CRAMP1: variants seen among roughly 807,000 people sequenced by gnomAD.
CRAMP1 encodes the protein cramped chromatin regulator 1, also known as protein cramped-like.
A neutral mutation model predicts 115.4 loss-of-function variants in CRAMP1; 50 were observed. The observed-to-expected ratio is 0.43, with a 90% confidence interval of 0.35 to 0.55. The LOEUF (loss-of-function observed/expected upper bound fraction) is 0.55, where lower values mean the gene tolerates loss of function less well. Ranked by LOEUF, CRAMP1 falls within the 20% of genes least tolerant of loss-of-function variation. The pLI is 0.01. For missense variants in CRAMP1, 1,679 were observed against 1,721.7 expected, an observed-to-expected ratio of 0.98 and a Z score of 0.44; for synonymous variants, 866 against 745.4, an observed-to-expected ratio of 1.16 and a Z score of -2.64.
intron 20 of CRAMP1, among the ~76,000 whole-genome samples, chr16:1,673,381 T>C (rs574503565): frequency 1.4e-5 from 2 of 147,818 alleles, no homozygotes; most frequent in Admixed American, 6.6e-5. Context: ...ATGTCTATGA[T>C]GGGAATGTGT....
chr16:1,646,224 C>G (rs757950950), intron 6 of CRAMP1, among the ~76,000 whole-genome samples: 1 of 152,164 alleles, frequency 6.6e-6, no homozygotes, highest in Non-Finnish European at 1.5e-5. Context: ...GAAGAAGTGC[C>G]CAGGCTTTGC....
At chr16:1,654,142 CAA>C (rs1271683909) in intron 8 of CRAMP1, among the ~76,000 whole-genome samples, 14 of 82,422 alleles carry the variant, frequency 1.7e-4, no homozygotes, top group Admixed American at 1.3e-4. Context: ...GATTCCATCT[CAA>C]AAAAAAAAAA....
At position 1,675,462 on chromosome 16, in the gene CRAMP1, C is replaced by T. The variant is rs2036959707; in HGVS notation, c.*1417C>T. 6.6e-6 allele frequency: 1 copy of T among 152,632 alleles called. No individual in the cohort carries two copies. The highest frequency in any genetic ancestry group is 1.5e-5 in the Non-Finnish European group (1 of 68,220). The allele number at this position is 152,632 out of a possible 1,614,324, so 9.5% of individuals were successfully genotyped here. A position where few individuals can be genotyped will look rare whatever the true frequency, so the allele number is the denominator to read the frequency against. ...CTACTCTCCCTCCTCCCCACCATTC[C>T]TCTTCCCCCACATGTGTGGCACGCT... On this transcript the variant is annotated 3_prime_UTR_variant, in exon 21 of 21. Transcript: ENST00000397412.
Position 1,629,802 on chromosome 16 carries a change from C to G in CRAMP1, c.541-2410C>G, listed in dbSNP as rs553460820. Reference sequence around the variant, plus strand: ...TTTTGAAAACAATGAACACGTTTTACTTTTTCTAAAGTTTTTAATTTTTCA... The same window carrying G: ...TTTTGAAAACAATGAACACGTTTTAGTTTTTCTAAAGTTTTTAATTTTTCA... On this transcript the variant is annotated intron_variant, in intron 3 of 20. Coordinates refer to ENST00000397412, the MANE Select transcript of CRAMP1 (RefSeq NM_020825.4). Among the ~76,000 whole-genome samples the G allele has an allele frequency of 5.9e-5, 9 of 152,314 alleles. No individual in the cohort carries two copies. The East Asian group carries it at 1.5e-3, about 26-fold the overall frequency.
Position 1,621,856 on chromosome 16 carries a change from CCTT to C in CRAMP1, c.347-4114_347-4112del, listed in dbSNP as rs1471358336. On this transcript the variant is annotated intron_variant, in intron 2 of 20. Transcript: ENST00000397412. ...CAGTCACAGATGGACCTGGCTTTGG[CCTT>C]CTGCTTTTCGCTGGGTGTCCTGCAC... Among the ~76,000 whole-genome samples the C allele has an allele frequency of 2.6e-5, 4 of 152,314 alleles. No individual in the cohort carries two copies. In the East Asian group the frequency reaches 5.8e-4, roughly 22 times the overall value.
intron 13 of CRAMP1, among the ~76,000 whole-genome samples, chr16:1,664,779 A>C (rs942851640): frequency 1.7e-4 from 23 of 132,008 alleles, no homozygotes; most frequent in African/African-American, 5.7e-4. Flanking sequence ...ACACCGTCTC[A>C]AAAAAAAAAA....
At chr16:1,655,735 G>A (rs942044603) in intron 9 of CRAMP1, 142 bp from the exon 10 acceptor site, 7 of 884,554 alleles carry the variant, frequency 7.9e-6, no homozygotes, top group South Asian at 6.7e-5. Flanking sequence ...GGGTAGTGGT[G>A]TGAGGAAAGC....
chr16:1,653,003 C>T, intron 7 of CRAMP1, 30 bp from the exon 8 acceptor site: 2 of 1,613,200 alleles, frequency 1.2e-6, no homozygotes, highest in Non-Finnish European at 1.7e-6. Flanking sequence ...TTGGGCTGCA[C>T]TAAACTTTCA....
chr16:1,633,292 C>T (rs933985554), intron 4 of CRAMP1, among the ~76,000 whole-genome samples: 1 of 152,240 alleles, frequency 6.6e-6, no homozygotes, highest in Admixed American at 6.5e-5. Flanking sequence ...CCCAGCTCCC[C>T]TGTGTGACTG....
At position 1,676,638 on chromosome 16, in the gene CRAMP1, A is replaced by G. The variant is rs1461991359; in HGVS notation, c.*2593A>G. On this transcript the variant is annotated 3_prime_UTR_variant, in exon 21 of 21. Coordinates refer to ENST00000397412, the MANE Select transcript of CRAMP1 (RefSeq NM_020825.4). ...TAAGATGAGATCAGTTTCTTAGAAA[A>G]AGCTTTCCTGAATCCCTCTGACGTT... 2 of 152,244 alleles carry G rather than the reference A, an allele frequency of 1.3e-5. No homozygotes were observed. Among genetic ancestry groups the G allele is most frequent in the African/African-American group, 4.8e-5 (2 of 41,458 alleles). The allele number at this position is 152,244 out of a possible 1,614,324, so 9.4% of individuals were successfully genotyped here. A position where few individuals can be genotyped will look rare whatever the true frequency, so the allele number is the denominator to read the frequency against.
rs770867747 is a variant in CRAMP1, at chr16:1,653,008, C to T, written c.914-25C>T. The T allele has an allele frequency of 3.7e-6, 6 of 1,613,342 alleles. No individual in the cohort carries two copies. In the South Asian group the frequency reaches 6.6e-5, roughly 18 times the overall value. ...TACCTTAAGGTTGGGCTGCACTAAA[C>T]TTTCATGGTTCTTCTGCATTGCAGG... On this transcript the variant is annotated intron_variant, in intron 7 of 20. Transcript: ENST00000397412.
At chr16:1,639,863 A>T (rs936709378) in intron 5 of CRAMP1, among the ~76,000 whole-genome samples, 1 of 152,206 alleles carries the variant, frequency 6.6e-6, no homozygotes, top group Non-Finnish European at 1.5e-5. Context: ...GTCAGCGTGA[A>T]TTGGCCTTAG....
chr16:1,619,459 G>A (rs147793276), intron 2 of CRAMP1, among the ~76,000 whole-genome samples: 1 of 152,310 alleles, frequency 6.6e-6, no homozygotes, highest in African/African-American at 2.4e-5. Context: ...AGGATTTCAG[G>A]CGTGAGCCAC....
chr16:1,633,730 C>G (rs962472625), intron 4 of CRAMP1, among the ~76,000 whole-genome samples: 2 of 152,186 alleles, frequency 1.3e-5, no homozygotes, highest in Non-Finnish European at 2.9e-5. Flanking sequence ...CATTGTCGGC[C>G]TCTTCCTGTG....
chr16:1,647,926 G>C (rs1251759175), intron 6 of CRAMP1, among the ~76,000 whole-genome samples: 2 of 150,558 alleles, frequency 1.3e-5, no homozygotes, highest in African/African-American at 4.9e-5. Flanking sequence ...GGGGAGGTAT[G>C]GACCCACGTC....
In CRAMP1 at chr16:1,662,582, A is replaced by G. The variant is rs770117368; in HGVS notation, c.2506A>G (p.Thr836Ala). 5 of 1,613,768 alleles carry G rather than the reference A, an allele frequency of 3.1e-6. No individual in the cohort carries two copies. The highest frequency in any genetic ancestry group is 3.4e-6 in the Non-Finnish European group (4 of 1,179,856). Reference sequence around the variant, plus strand: ...TGGAGGCCTTTTTGCTGTCCCGACAACCTTGCCACCCAACAGCCGACACGG... The same window carrying G: ...TGGAGGCCTTTTTGCTGTCCCGACAGCCTTGCCACCCAACAGCCGACACGG... ...SDGGLFAVPT[T>A]LPPNSRHGKL... The change falls in exon 12 of 21, where the codon ACC becomes GCC. Residue 836 changes from threonine (T) to alanine (A), a missense_variant. Around this residue, in one of 8 missense-constraint regions of CRAMP1, gnomAD observed 709 missense variants for 741.9 expected, o/e 0.96. Transcript: ENST00000397412.
In CRAMP1 at chr16:1,654,401, G is replaced by A. The variant is rs559933246; in HGVS notation, c.1038-818G>A. On this transcript the variant is annotated intron_variant, in intron 8 of 20. Transcript: ENST00000397412. ...TAATTTTTGTATTTTTAGTAGAAAC[G>A]GGGTTTCACCATGTTGGTCAGGCTG... Among the ~76,000 whole-genome samples, 17 of 151,952 alleles carry A rather than the reference G, an allele frequency of 1.1e-4. No homozygotes were observed. The East Asian group carries it at 3.1e-3, about 28-fold the overall frequency.
chr16:1,664,874 G>C (rs1002553028), intron 13 of CRAMP1, among the ~76,000 whole-genome samples, 183 bp from the exon 14 acceptor site: 15 of 152,118 alleles, frequency 9.9e-5, no homozygotes, highest in African/African-American at 3.1e-4. Context: ...GACCTAACTG[G>C]AGCTTGGGGT....
intron 6 of CRAMP1, among the ~76,000 whole-genome samples, chr16:1,651,657 G>C (rs1042888682): frequency 2.8e-5 from 4 of 145,316 alleles, no homozygotes; most frequent in African/African-American, 5.2e-5. Context: ...AAGTCACACA[G>C]AGGTAACCTA....
Sources: allele counts gnomAD v4.1 joint callset (sites outside exome capture counted in the v4.1 genomes callset), GRCh38; gene constraint gnomAD v4.1.1; regional missense constraint gnomAD v4.1.1; transcripts MANE v1.5; gene names NCBI Gene and HGNC (gene_info 2026-07-23, HGNC 2026-07-21).